Variants in PIEZO2 observed in about 807,000 individuals in gnomAD.
PIEZO2 encodes the protein piezo type mechanosensitive ion channel component 2, also known as piezo-type mechanosensitive ion channel component 2.
In PIEZO2, 172 loss-of-function variants were observed where a neutral mutation model predicts 337.3. That is an observed-to-expected ratio of 0.51 (90% CI 0.45 to 0.58). The LOEUF (loss-of-function observed/expected upper bound fraction) is 0.58. Ranked by LOEUF, PIEZO2 falls within the 20% of genes least tolerant of loss-of-function variation. PIEZO2 has a pLI of 0.00. For synonymous variants in PIEZO2, 1,251 were observed against 1,228.5 expected (o/e 1.02, Z -0.38); for missense variants, 3,028 against 3,391.3 (o/e 0.89, Z 2.66).
At chr18:11,141,086 C>T (rs1290770047) in intron 1 of PIEZO2, among the ~76,000 whole-genome samples, 1 of 152,170 alleles carries the variant, frequency 6.6e-6, no homozygotes, top group Non-Finnish European at 1.5e-5. Context: ...TACATCTTGA[C>T]TATCAGGGGA....
intron 7 of PIEZO2, among the ~76,000 whole-genome samples, chr18:10,811,084 T>G (rs2040171775): frequency 6.6e-6 from 1 of 152,216 alleles, no homozygotes; most frequent in South Asian, 2.1e-4. Context: ...ATATTCCTTA[T>G]AGTTAATATT....
rs1001354851 is a variant in PIEZO2 at position 10,773,334 on chromosome 18, T to C, written c.2785+78A>G. On this transcript the variant is annotated intron_variant, in intron 20 of 55. Coordinates refer to ENST00000674853, the MANE Select transcript of PIEZO2 (RefSeq NM_001378183.1). The surrounding 1 kb of genome is among the most constrained non-coding windows in gnomAD (Gnocchi z 5.3). ...TGGACTGGGTCAAATATATATTCTT[T>C]TGGAGCAAGTCAATGTTTCCTTCAC... The C allele has an allele frequency of 7.9e-6, 11 of 1,394,810 alleles. No homozygotes were observed. The Admixed American group carries it at 2.0e-4, about 25-fold the overall frequency. 86.4% of individuals were successfully genotyped at this position (1,394,810 alleles called of 1,614,324 possible). A position where few individuals can be genotyped will look rare whatever the true frequency, so the allele number is the denominator to read the frequency against.
intron 3 of PIEZO2, among the ~76,000 whole-genome samples, chr18:10,976,313 A>G (rs1017778369): frequency 1.3e-5 from 2 of 152,200 alleles, no homozygotes; most frequent in Non-Finnish European, 2.9e-5. Flanking sequence ...AAAAAAATCT[A>G]CAACACCTGA....
intron 7 of PIEZO2, among the ~76,000 whole-genome samples, chr18:10,851,145 T>C (rs943789854): frequency 4.2e-5 from 6 of 143,828 alleles, no homozygotes; most frequent in African/African-American, 1.6e-4. Context: ...CTTTTCTTTT[T>C]TTCTTTTATC....
At chr18:10,831,862 T>C (rs995981418) in intron 7 of PIEZO2, among the ~76,000 whole-genome samples, 2 of 152,350 alleles carry the variant, frequency 1.3e-5, no homozygotes, top group African/African-American at 4.8e-5. Context: ...TCTGTGTTCC[T>C]AAGTCTGGGT....
rs2036791244 is a variant in PIEZO2, at chr18:11,032,866, G to A, written c.160+33261C>T. 6.6e-6 allele frequency among the ~76,000 whole-genome samples: 1 copy of A among 152,184 alleles called. No homozygotes were observed. The highest frequency in any genetic ancestry group is 1.5e-5 in the Non-Finnish European group (1 of 68,028). On this transcript the variant is annotated intron_variant, in intron 2 of 55. Coordinates refer to ENST00000674853, the MANE Select transcript of PIEZO2 (RefSeq NM_001378183.1). This position sits in a 1 kb window ranked among gnomAD's most constrained non-coding sequence, Gnocchi z 4.9. ...GTAGCCCACCCTAAGCATGTAACAG[G>A]CCTAATGAATGGAGTATCTGAGTAG...
At chr18:11,012,785 T>C (rs959270479) in intron 2 of PIEZO2, among the ~76,000 whole-genome samples, 7 of 152,230 alleles carry the variant, frequency 4.6e-5, no homozygotes, top group African/African-American at 1.7e-4. Flanking sequence ...GGCTCATGCC[T>C]GTAATTCCAA....
intron 33 of PIEZO2, chr18:10,739,520 T>C (rs2037135329): frequency 6.6e-6 from 1 of 152,204 alleles, no homozygotes; most frequent in Non-Finnish European, 1.5e-5. Context: ...TGAAAAAACA[T>C]TCAATATGAC....
At chr18:11,044,675 T>C (rs897396638) in intron 2 of PIEZO2, among the ~76,000 whole-genome samples, 2 of 152,222 alleles carry the variant, frequency 1.3e-5, no homozygotes, top group Non-Finnish European at 2.9e-5. Context: ...GTGAAATCTA[T>C]ACAGTTGATT....
intron 11 of PIEZO2, among the ~76,000 whole-genome samples, chr18:10,799,948 G>A (rs992515879): frequency 2.8e-5 from 4 of 145,006 alleles, no homozygotes; most frequent in Non-Finnish European, 4.5e-5. Context: ...ACTCCAGCCT[G>A]GGAGACAGAG....
chr18:11,022,038 G>A (rs560379193), intron 2 of PIEZO2, among the ~76,000 whole-genome samples: 8 of 152,294 alleles, frequency 5.3e-5, no homozygotes, highest in Admixed American at 5.2e-4. Flanking sequence ...TGCCAGACCT[G>A]AAACACTTTG....
At position 10,953,072 on chromosome 18, in the gene PIEZO2, C is replaced by T. The variant is rs1278185606; in HGVS notation, c.286+26463G>A. 6.6e-6 allele frequency among the ~76,000 whole-genome samples: 1 copy of T among 151,608 alleles called. No homozygotes were observed. The highest frequency in any genetic ancestry group is 1.5e-5 in the Non-Finnish European group (1 of 67,906). ...TAAAGTGTCTATTCAAAAATTTTGCCCATTAAAAAAAATGAGATGTTTCCT... is the reference window on the plus strand; with the variant it reads ...TAAAGTGTCTATTCAAAAATTTTGCTCATTAAAAAAAATGAGATGTTTCCT... On this transcript the variant is annotated intron_variant, in intron 3 of 55. Transcript: ENST00000674853. The surrounding 1 kb of genome is among the most constrained non-coding windows in gnomAD (Gnocchi z 5.2).
At chr18:10,696,614 C>T (rs1362958189) in intron 45 of PIEZO2, 75 bp from the exon 46 acceptor site, 1 of 1,512,806 alleles carries the variant, frequency 6.6e-7, no homozygotes, top group Admixed American at 1.8e-5. Flanking sequence ...CCAGACACTG[C>T]CATCATGCCA....
chr18:10,799,743 C>A (rs2039738939), intron 11 of PIEZO2, among the ~76,000 whole-genome samples: 1 of 152,150 alleles, frequency 6.6e-6, no homozygotes, highest in South Asian at 2.1e-4. Flanking sequence ...TAGGCCAAGG[C>A]AGGTGGATTG....
chr18:10,969,781 T>C lies in PIEZO2; in HGVS notation c.286+9754A>G, dbSNP rs989413897. ...CAGAGCTCCTGGCCAAGAGAGGGCA[T>C]GGGTGCACTTAGCCGCTCTCCTCAA... is the stretch of plus-strand genomic sequence containing the variant. On this transcript the variant is annotated intron_variant, in intron 3 of 55. Coordinates refer to ENST00000674853, the MANE Select transcript of PIEZO2 (RefSeq NM_001378183.1). This position sits in a 1 kb window ranked among gnomAD's most constrained non-coding sequence, Gnocchi z 4.5. 6.6e-6 allele frequency among the ~76,000 whole-genome samples: 1 copy of C among 152,002 alleles called. No individual in the cohort carries two copies. Among genetic ancestry groups the C allele is most frequent in the Non-Finnish European group, 1.5e-5 (1 of 67,998 alleles).
rs530205782 is a variant in PIEZO2 at position 10,846,236 on chromosome 18, A to G, written c.917+9117T>C. On this transcript the variant is annotated intron_variant, in intron 7 of 55. Transcript: ENST00000674853. This position sits in a 1 kb window ranked among gnomAD's most constrained non-coding sequence, Gnocchi z 4.1. ...CAGAAGGCAAGGAGGAGCAAGTCACATCTTACACAGATGGCAGCAGGCAAA... is the reference window on the plus strand; with the variant it reads ...CAGAAGGCAAGGAGGAGCAAGTCACGTCTTACACAGATGGCAGCAGGCAAA... Among the ~76,000 whole-genome samples, 23 of 152,340 alleles carry G rather than the reference A, an allele frequency of 1.5e-4. No homozygotes were observed. The East Asian group carries it at 1.7e-3, about 11-fold the overall frequency.
At chr18:10,758,220 C>T in intron 26 of PIEZO2, 86 bp from the exon 27 acceptor site, 3 of 1,380,684 alleles carry the variant, frequency 2.2e-6, no homozygotes, top group East Asian at 2.5e-5. Flanking sequence ...ACAGCAACAG[C>T]CATTCCCCAG....
rs2038641205 is a variant in PIEZO2, at chr18:11,078,855, C to T, written c.65-12633G>A. On this transcript the variant is annotated intron_variant, in intron 1 of 55. Coordinates refer to ENST00000674853, the MANE Select transcript of PIEZO2 (RefSeq NM_001378183.1). This position sits in a 1 kb window ranked among gnomAD's most constrained non-coding sequence, Gnocchi z 5.3. Reference sequence around the variant, plus strand: ...TCATCGAATCACAGAGTCTGTGTTACTGAGAATGGAGAGGGGTGAAAAAGA... The same window carrying T: ...TCATCGAATCACAGAGTCTGTGTTATTGAGAATGGAGAGGGGTGAAAAAGA... 6.6e-6 allele frequency among the ~76,000 whole-genome samples: 1 copy of T among 152,180 alleles called. No homozygotes were observed.
At chr18:11,029,733 G>A (rs1391129374) in intron 2 of PIEZO2, among the ~76,000 whole-genome samples, 4 of 151,900 alleles carry the variant, frequency 2.6e-5, no homozygotes, top group Non-Finnish European at 4.4e-5. Flanking sequence ...TCTGCCTTGA[G>A]GACCCCTCTC....
Sources: gnomAD v4.1 joint callset for allele counts (sites outside exome capture counted in the v4.1 genomes callset) on GRCh38, gnomAD v4.1.1 for gene constraint, Gnocchi (gnomAD v3.1) non-coding constraint, MANE v1.5 for transcripts, NCBI Gene and HGNC (gene_info 2026-07-23, HGNC 2026-07-21) for gene names.